SPOCK3: variants seen among roughly 807,000 people sequenced by gnomAD.
SPOCK3 encodes the protein SPARC (osteonectin), cwcv and kazal like domains proteoglycan 3, also known as testican-3.
Under a neutral mutation model 56.6 loss-of-function variants are expected in SPOCK3, and 30 were observed. The observed-to-expected ratio is 0.53, with a 90% CI of 0.40 to 0.72. The LOEUF is 0.72. Ranked by LOEUF, SPOCK3 falls within the 30% of genes least tolerant of loss-of-function variation. The probability of loss-of-function intolerance (pLI) is 0.00; values close to 1 mark genes in which losing one functional copy is unlikely to be tolerated. For synonymous variants in SPOCK3, 196 were observed against 183.3 expected (o/e 1.07, Z -0.56); for missense variants, 527 against 530.0 (o/e 0.99, Z 0.06).
intron 2 of SPOCK3, among the ~76,000 whole-genome samples, chr4:167,165,812 G>C (rs578065308): frequency 1.3e-5 from 2 of 151,968 alleles, no homozygotes; most frequent in Non-Finnish European, 2.9e-5. Flanking sequence ...ATATAAGAGG[G>C]AGTTATCAGA....
chr4:167,005,540 A>G (rs1190047687), intron 3 of SPOCK3, among the ~76,000 whole-genome samples: 1 of 151,924 alleles, frequency 6.6e-6, no homozygotes, highest in African/African-American at 2.4e-5. Flanking sequence ...GGAGTCATCA[A>G]CTTCTTGCCC....
intron 2 of SPOCK3, among the ~76,000 whole-genome samples, chr4:167,205,105 T>C (rs1296918328): frequency 7.7e-6 from 1 of 130,210 alleles, no homozygotes; most frequent in Non-Finnish European, 1.6e-5. Flanking sequence ...ATTACAGGCA[T>C]GAACACTCCA....
chr4:166,863,190 C>T (rs1216199946), intron 6 of SPOCK3, among the ~76,000 whole-genome samples: 1 of 151,962 alleles, frequency 6.6e-6, no homozygotes, highest in South Asian at 2.1e-4. Context: ...GAAATAAAAT[C>T]CTTTACAGAC....
intron 2 of SPOCK3, among the ~76,000 whole-genome samples, chr4:167,099,478 G>A (rs1034191494): frequency 6.6e-5 from 10 of 151,854 alleles, no homozygotes; most frequent in South Asian, 2.1e-4. Context: ...TCAGAGGTAC[G>A]TGAAATTTAA....
intron 2 of SPOCK3, among the ~76,000 whole-genome samples, chr4:167,205,850 C>G (rs1485092115): frequency 6.6e-6 from 1 of 151,054 alleles, no homozygotes; most frequent in Admixed American, 6.7e-5. Flanking sequence ...ACCTCATGAT[C>G]TGCCCACCTC....
intron 5 of SPOCK3, among the ~76,000 whole-genome samples, chr4:166,903,015 C>T (rs1280553960): frequency 6.7e-6 from 1 of 149,762 alleles, no homozygotes; most frequent in Non-Finnish European, 1.5e-5. Context: ...GCATTGTTCA[C>T]TCTTGCTCCT....
intron 6 of SPOCK3, among the ~76,000 whole-genome samples, chr4:166,876,676 C>T (rs1215774670): frequency 1.3e-5 from 2 of 151,868 alleles, no homozygotes; most frequent in Admixed American, 6.6e-5. Context: ...TATTTACAAA[C>T]GATATTAATA....
At chr4:166,983,127 A>G (rs1015850392) in intron 4 of SPOCK3, among the ~76,000 whole-genome samples, 1 of 152,146 alleles carries the variant, frequency 6.6e-6, no homozygotes, top group Admixed American at 6.5e-5. Context: ...TATTGAGTCT[A>G]TACCCAAAGG....
At chr4:166,976,300 C>T (rs1745937304) in intron 4 of SPOCK3, among the ~76,000 whole-genome samples, 1 of 152,148 alleles carries the variant, frequency 6.6e-6, no homozygotes, top group African/African-American at 2.4e-5. Flanking sequence ...ATTTCATAAG[C>T]TCAATTCTTT....
intron 3 of SPOCK3, among the ~76,000 whole-genome samples, chr4:167,012,753 A>G (rs1246015584): frequency 6.6e-6 from 1 of 152,038 alleles, no homozygotes; most frequent in African/African-American, 2.4e-5. Context: ...TAACTTTAAC[A>G]TGATTTTAAA....
At chr4:166,996,614 T>C (rs1020071999) in intron 4 of SPOCK3, among the ~76,000 whole-genome samples, 1 of 152,300 alleles carries the variant, frequency 6.6e-6, no homozygotes, top group African/African-American at 2.4e-5. Context: ...TTCATACTAC[T>C]ATTTTCTTTT....
rs187592104 is a variant in SPOCK3, at chr4:167,168,815, G to A, written c.189+65170C>T. Among the ~76,000 whole-genome samples the A allele has an allele frequency of 9.8e-4, 149 of 152,188 alleles. 2 individuals are homozygous for A. In the Middle Eastern group the frequency reaches 0.01, roughly 10 times the overall value. On this transcript the variant is annotated intron_variant, in intron 2 of 10. Transcript: ENST00000357545. ...ACAGACCTTCACAGCAGCCCCTCCC[G>A]CCACAGGCCCAGAGGCATAGGAGAA...
chr4:166,839,632 C>G (rs1747023186), intron 6 of SPOCK3, among the ~76,000 whole-genome samples: 1 of 152,118 alleles, frequency 6.6e-6, no homozygotes, highest in African/African-American at 2.4e-5. Context: ...TAGGGAAAAT[C>G]TCTTAAAATG....
chr4:167,214,278 T>C (rs761489760), intron 2 of SPOCK3, among the ~76,000 whole-genome samples: 6 of 152,180 alleles, frequency 3.9e-5, no homozygotes, highest in Non-Finnish European at 8.8e-5. Context: ...ATAAAATACC[T>C]ATAAAAATAT....
chr4:166,995,687 T>C (rs1210425387), intron 4 of SPOCK3, among the ~76,000 whole-genome samples: 2 of 152,070 alleles, frequency 1.3e-5, no homozygotes, highest in African/African-American at 4.8e-5. Context: ...TAATGCTTAG[T>C]ATAAAGCATT....
intron 5 of SPOCK3, among the ~76,000 whole-genome samples, chr4:166,903,814 C>A (rs144685690): frequency 6.6e-6 from 1 of 151,854 alleles, no homozygotes; most frequent in African/African-American, 2.4e-5. Context: ...GGGTGGGAAG[C>A]GGTTAAAGGC....
intron 4 of SPOCK3, among the ~76,000 whole-genome samples, chr4:166,969,567 C>T (rs1259110965): frequency 7.6e-6 from 1 of 132,018 alleles, no homozygotes; most frequent in Non-Finnish European, 1.7e-5. Flanking sequence ...GTGTTTAGCA[C>T]TTCCCCCTTA....
chr4:167,195,554 T>C, intron 2 of SPOCK3, among the ~76,000 whole-genome samples: 1 of 152,186 alleles, frequency 6.6e-6, no homozygotes, highest in East Asian at 1.9e-4. Flanking sequence ...GCAGGACCTC[T>C]CCTAGACTGG....
chr4:167,084,989 T>G (rs1285028464), intron 2 of SPOCK3, among the ~76,000 whole-genome samples: 1 of 152,032 alleles, frequency 6.6e-6, no homozygotes, highest in Non-Finnish European at 1.5e-5. Context: ...CCCTCTACTT[T>G]TGTCCAGAGG....
Sources: gnomAD v4.1 joint callset for allele counts (sites outside exome capture counted in the v4.1 genomes callset) on GRCh38, gnomAD v4.1.1 for gene constraint, MANE v1.5 for transcripts, NCBI Gene and HGNC (gene_info 2026-07-23, HGNC 2026-07-21) for gene names.